The following MTMR10 variants were observed in gnomAD, a reference collection of about 807,000 sequenced individuals.
MTMR10 encodes the protein myotubularin-related protein 10.
In MTMR10, 56 loss-of-function variants were observed where a neutral mutation model predicts 88.1. The observed-to-expected ratio is 0.64, with a 90% CI of 0.51 to 0.79. MTMR10 has a LOEUF of 0.79. MTMR10 is among the 30% of genes least tolerant of loss of function. MTMR10 has a pLI of 0.00. For missense variants in MTMR10, 883 were observed against 924.7 expected, an observed-to-expected ratio of 0.95 and a Z score of 0.58; for synonymous variants, 380 against 340.9, an observed-to-expected ratio of 1.11 and a Z score of -1.26.
chr15:30,961,051 G>C lies in MTMR10; in HGVS notation c.588C>G (p.Pro196=), dbSNP rs1478208152. The C allele has an allele frequency of 5.2e-6, 8 of 1,550,454 alleles. No homozygotes were observed. Among genetic ancestry groups the C allele is most frequent in the Non-Finnish European group, 7.0e-6 (8 of 1,146,958 alleles). Residue 196 remains proline (P), a synonymous_variant, in exon 7 of 16, where the codon CCC becomes CCG. Coordinates refer to ENST00000435680, the MANE Select transcript of MTMR10 (RefSeq NM_017762.3). ...CTCCTCCTCCTCCTCCATCTCCTGAGGGAATTCCATTAATTTTGTTTGCTG... is the reference window on the plus strand; with the variant it reads ...CTCCTCCTCCTCCTCCATCTCCTGACGGAATTCCATTAATTTTGTTTGCTG... ...HNSANKINGI[P]SGDGGGGGGG...
intron 2 of MTMR10, among the ~76,000 whole-genome samples, chr15:30,990,536 T>C (rs1276605949): frequency 6.6e-6 from 1 of 152,040 alleles, no homozygotes; most frequent in Non-Finnish European, 1.5e-5. Flanking sequence ...CAGCAAAGAG[T>C]ACTTTTACTA....
rs2062973746 is a variant in MTMR10, at chr15:30,939,684, A to C, written c.*1786T>G. On this transcript the variant is annotated 3_prime_UTR_variant, in exon 16 of 16. Transcript: ENST00000435680. The stretch of plus-strand genomic sequence containing the variant: ...AATAAACGTGAAGGAAGAAAATTAC[A>C]GAGGGAAAAATGCTCAATCCAAAAC... The C allele has an allele frequency of 1.1e-5, 11 of 958,166 alleles. No individual in the cohort carries two copies. The highest frequency in any genetic ancestry group is 1.4e-5 in the Non-Finnish European group (11 of 805,200). The allele number at this position is 958,166 out of a possible 1,614,324, so 59.4% of individuals were successfully genotyped here.
intron 5 of MTMR10, among the ~76,000 whole-genome samples, chr15:30,973,024 T>C (rs185288156): frequency 6.6e-6 from 1 of 152,222 alleles, no homozygotes; most frequent in East Asian, 1.9e-4. Context: ...AGCAGGTCTT[T>C]GATGCTTTGA....
chr15:30,929,758 A>T, the MTMR10 span, among the ~76,000 whole-genome samples: 10 of 30,934 alleles, frequency 3.2e-4, 2 homozygotes, highest in South Asian at 0.011. Flanking sequence ...ATATAATATA[A>T]TATATAAAAT....
chr15:30,978,988 A>G (rs549299572), intron 2 of MTMR10, among the ~76,000 whole-genome samples: 29 of 152,256 alleles, frequency 1.9e-4, no homozygotes, highest in African/African-American at 6.3e-4. Context: ...ACCAATTCCC[A>G]TATCAGATTC....
At position 30,955,281 on chromosome 15, in the gene MTMR10, T is replaced by C. The variant is rs138046554; in HGVS notation, c.936-388A>G. Reference sequence around the variant, plus strand: ...AACAAATTAGATCATTTCCTTCTTTTTCTTTTTGAGACGGAGTCTCATACT... The same window carrying C: ...AACAAATTAGATCATTTCCTTCTTTCTCTTTTTGAGACGGAGTCTCATACT... On this transcript the variant is annotated intron_variant, in intron 9 of 15. Coordinates refer to ENST00000435680, the MANE Select transcript of MTMR10 (RefSeq NM_017762.3). Among the ~76,000 whole-genome samples, 480 of 152,338 alleles carry C rather than the reference T, an allele frequency of 3.2e-3. 2 individuals are homozygous for C. The highest frequency in any genetic ancestry group is 0.011 in the African/African-American group (437 of 41,580).
intron 10 of MTMR10, 102 bp from the exon 11 acceptor site, chr15:30,953,733 A>C (rs1348123178): frequency 4.1e-6 from 3 of 723,008 alleles, no homozygotes; most frequent in Non-Finnish European, 6.7e-6. Context: ...AGTTAGCTTT[A>C]AGTAAATATC....
intron 2 of MTMR10, among the ~76,000 whole-genome samples, chr15:30,981,187 T>C (rs2030546045): frequency 6.6e-6 from 1 of 152,250 alleles, no homozygotes. Context: ...GACTAATTAC[T>C]GTGGTAGTTT....
At chr15:30,976,775 G>A in intron 3 of MTMR10, 44 bp downstream of exon 3, 1 of 1,584,808 alleles carries the variant, frequency 6.3e-7, no homozygotes. Flanking sequence ...ACCACTTAGA[G>A]TTGAAAGCCT....
In MTMR10 at chr15:30,972,858, C is replaced by T. The variant is rs533793942; in HGVS notation, c.474+1456G>A. Among the ~76,000 whole-genome samples, 8 of 152,182 alleles carry T rather than the reference C, an allele frequency of 5.3e-5. No homozygotes were observed. The South Asian group carries it at 1.5e-3, about 28-fold the overall frequency. On this transcript the variant is annotated intron_variant, in intron 5 of 15. Coordinates refer to ENST00000435680, the MANE Select transcript of MTMR10 (RefSeq NM_017762.3). ...TTTCCACTCATTAAAATAGTGTAAA[C>T]TGAAAAATACAGTAAAAGAGGGAGA... is the stretch of plus-strand genomic sequence containing the variant.
downstream of MTMR10, among the ~76,000 whole-genome samples, chr15:30,938,290 A>G (rs867187694): frequency 3.3e-5 from 5 of 152,170 alleles, no homozygotes; most frequent in South Asian, 2.1e-4. Context: ...TGCCCTATAC[A>G]CATTTAGCTG....
chr15:30,975,576 G>A (rs2030065323), intron 3 of MTMR10, among the ~76,000 whole-genome samples: 1 of 151,968 alleles, frequency 6.6e-6, no homozygotes, highest in Non-Finnish European at 1.5e-5. Flanking sequence ...TCATTATGAA[G>A]CTAAAAACAA....
In MTMR10 at chr15:30,991,592, C is replaced by G; in HGVS notation, c.-86G>C. The G allele has an allele frequency of 6.9e-7, 1 of 1,449,478 alleles. No individual in the cohort carries two copies. The highest frequency in any genetic ancestry group is 9.1e-7 in the Non-Finnish European group (1 of 1,097,296). 89.8% of individuals were successfully genotyped at this position (1,449,478 alleles called of 1,614,324 possible). A position where few individuals can be genotyped will look rare whatever the true frequency, so the allele number is the denominator to read the frequency against. On this transcript the variant is annotated 5_prime_UTR_variant, in exon 1 of 16. Transcript: ENST00000435680. Reference sequence around the variant, plus strand: ...GGCGTAAAGCTCTCAGTGCGGCCGCCCAGGCCCTTTCTGCGGCCAGCCGAG... The same window carrying G: ...GGCGTAAAGCTCTCAGTGCGGCCGCGCAGGCCCTTTCTGCGGCCAGCCGAG...
chr15:30,955,898 C>T (rs2063320668), intron 9 of MTMR10, among the ~76,000 whole-genome samples: 1 of 151,778 alleles, frequency 6.6e-6, no homozygotes, highest in Admixed American at 6.6e-5. Flanking sequence ...GCCATGGGGT[C>T]TCTAGATCTT....
the MTMR10 span, among the ~76,000 whole-genome samples, chr15:30,929,606 TAC>T: frequency 8.1e-6 from 1 of 123,680 alleles, no homozygotes; most frequent in Admixed American, 9.5e-5. Flanking sequence ...TATTACATAT[TAC>T]ATATATAATA....
chr15:30,962,331 G>A (rs568613154), intron 6 of MTMR10, among the ~76,000 whole-genome samples: 2 of 152,210 alleles, frequency 1.3e-5, no homozygotes, highest in Non-Finnish European at 2.9e-5. Context: ...CTGGCCCAGG[G>A]TCTTTCTGCT....
At chr15:30,929,909 TATA>T in the MTMR10 span, among the ~76,000 whole-genome samples, 14 of 38,846 alleles carry the variant, frequency 3.6e-4, 2 homozygotes, top group East Asian at 0.031. Context: ...ATATAAAATA[TATA>T]ATATATATCA....
intron 9 of MTMR10, among the ~76,000 whole-genome samples, chr15:30,955,185 C>T (rs1003580517): frequency 6.6e-6 from 1 of 152,190 alleles, no homozygotes; most frequent in Non-Finnish European, 1.5e-5. Context: ...CAACTTCTCC[C>T]ACCCATCTGG....
chr15:30,985,527 G>A (rs375164576), intron 2 of MTMR10, among the ~76,000 whole-genome samples: 2 of 152,304 alleles, frequency 1.3e-5, no homozygotes, highest in East Asian at 3.9e-4. Flanking sequence ...CTTGCTAGCT[G>A]TGTGACACTG....
Sources: gnomAD v4.1 joint callset for allele counts (sites outside exome capture counted in the v4.1 genomes callset) on GRCh38, gnomAD v4.1.1 for gene constraint, MANE v1.5 for transcripts, NCBI Gene and HGNC (gene_info 2026-07-23, HGNC 2026-07-21) for gene names.